ARMC8: variants seen among roughly 807,000 people sequenced by gnomAD.
ARMC8 encodes armadillo repeat-containing protein 8.
Under a neutral mutation model 99.3 loss-of-function variants are expected in ARMC8, and 20 were observed. That is an observed-to-expected ratio of 0.20 (90% CI 0.14 to 0.29). The LOEUF (loss-of-function observed/expected upper bound fraction) is 0.29. ARMC8 is among the 10% of genes least tolerant of loss of function. The probability of loss-of-function intolerance (pLI) is 1.00; values close to 1 mark genes in which losing one functional copy is unlikely to be tolerated. For missense variants in ARMC8, 569 were observed against 809.5 expected, an observed-to-expected ratio of 0.70 and a Z score of 3.60; for synonymous variants, 263 against 278.3, an observed-to-expected ratio of 0.95 and a Z score of 0.55.
At chr3:138,262,910 T>A (rs1340510236) in intron 12 of ARMC8, among the ~76,000 whole-genome samples, 1 of 152,242 alleles carries the variant, frequency 6.6e-6, no homozygotes, top group Non-Finnish European at 1.5e-5. Context: ...CTCAGCTGTG[T>A]GATTACAGGA....
At chr3:138,263,631 C>G in intron 12 of ARMC8, 108 bp from the exon 13 acceptor site, 2 of 1,056,528 alleles carry the variant, frequency 1.9e-6, no homozygotes, top group Non-Finnish European at 2.9e-6. Flanking sequence ...AAACTCTTGC[C>G]AAAAACAACG....
At chr3:138,244,960 T>C (rs2046814231) in intron 11 of ARMC8, 128 bp from the exon 12 acceptor site, 1 of 1,113,986 alleles carries the variant, frequency 9.0e-7, no homozygotes. Flanking sequence ...AACTGGGAAA[T>C]GTAGTTAATG....
chr3:138,196,808 A>G (rs572301121), intron 1 of ARMC8, among the ~76,000 whole-genome samples: 3 of 152,324 alleles, frequency 2.0e-5, no homozygotes, highest in East Asian at 1.9e-4. Context: ...CAGAGGTTGC[A>G]GTGAGCTGAG....
intron 2 of ARMC8, among the ~76,000 whole-genome samples, chr3:138,210,665 G>A (rs1028812424): frequency 3.3e-5 from 5 of 151,910 alleles, no homozygotes; most frequent in Non-Finnish European, 7.4e-5. Flanking sequence ...TAATGATGAG[G>A]GCGCCCATGA....
intron 11 of ARMC8, 70 bp downstream of exon 11, chr3:138,242,053 T>G (rs1476793103): frequency 2.3e-6 from 3 of 1,279,508 alleles, no homozygotes; most frequent in Non-Finnish European, 3.4e-6. Context: ...TTCACAGTTT[T>G]GAACCAATTG....
chr3:138,293,450 G>C (rs1577073080), intron 21 of ARMC8, among the ~76,000 whole-genome samples: 1 of 151,892 alleles, frequency 6.6e-6, no homozygotes. Context: ...GAGGCAGGAG[G>C]ATCACTTGAA....
intron 1 of ARMC8, among the ~76,000 whole-genome samples, chr3:138,206,583 C>A (rs1202521970): frequency 6.6e-6 from 1 of 152,210 alleles, no homozygotes; most frequent in Non-Finnish European, 1.5e-5. Flanking sequence ...TAGGACTTCG[C>A]TCAAATGTCA....
chr3:138,240,352 T>G lies in ARMC8; in HGVS notation c.837+824T>G, dbSNP rs73867048. 7.7e-3 allele frequency among the ~76,000 whole-genome samples: 1,167 copies of G among 152,296 alleles called. 16 individuals are homozygous for G. Among genetic ancestry groups the G allele is most frequent in the African/African-American group, 0.027 (1,113 of 41,558 alleles). On this transcript the variant is annotated intron_variant, in intron 10 of 21. Coordinates refer to ENST00000469044, the MANE Select transcript of ARMC8 (RefSeq NM_001363941.2). ...GAAGACTAATATTTGCTTTAGTCTT[T>G]GGGGAAGAGAATTAATTTAATGAGA...
In ARMC8 at chr3:138,254,792, T is replaced by C. The variant is rs76185888; in HGVS notation, c.1135-8947T>C. Among the ~76,000 whole-genome samples, 1,103 of 152,358 alleles carry C rather than the reference T, an allele frequency of 7.2e-3. 13 individuals carry two copies. Among genetic ancestry groups the C allele is most frequent in the African/African-American group, 0.025 (1,032 of 41,578 alleles). On this transcript the variant is annotated intron_variant, in intron 12 of 21. Coordinates refer to ENST00000469044, the MANE Select transcript of ARMC8 (RefSeq NM_001363941.2). ...CTTTTCCACAAAGTGTAGAGAAGTT[T>C]AGAACTTTCTTCTAATGTTTCTTCT...
chr3:138,263,796 G>A lies in ARMC8; in HGVS notation c.1192G>A (p.Val398Ile). 1.2e-6 allele frequency: 2 copies of A among 1,613,998 alleles called. No individual in the cohort carries two copies. Among genetic ancestry groups the A allele is most frequent in the Non-Finnish European group, 1.7e-6 (2 of 1,179,868 alleles). The stretch of plus-strand genomic sequence containing the variant: ...TGTGACTGGCTTGTCTGAGTCTAGT[G>A]TCAAGGTGCGGTTAGCTGCCGTCAG... ...RIVTGLSESS[V>I]KVRLAAVRCL... Residue 398 changes from valine to isoleucine, a missense_variant, in exon 13 of 22, where the codon GTC (valine) becomes ATC (isoleucine). Around this residue, in one of 2 missense-constraint regions of ARMC8, gnomAD observed 227 missense variants for 417.9 expected, o/e 0.54. Transcript: ENST00000469044.
intron 12 of ARMC8, among the ~76,000 whole-genome samples, chr3:138,259,166 G>A (rs1368649796): frequency 6.6e-6 from 1 of 152,152 alleles, no homozygotes; most frequent in Admixed American, 6.5e-5. Flanking sequence ...AAGGCACCAC[G>A]GAGGACATGT....
chr3:138,215,309 C>T (rs182573426), intron 2 of ARMC8, among the ~76,000 whole-genome samples: 4 of 151,980 alleles, frequency 2.6e-5, no homozygotes, highest in East Asian at 3.9e-4. Context: ...CTCTGCCTCC[C>T]GGGTTCAAGT....
intron 14 of ARMC8, among the ~76,000 whole-genome samples, chr3:138,266,308 A>G (rs2048281138): frequency 6.6e-6 from 1 of 152,128 alleles, no homozygotes; most frequent in Non-Finnish European, 1.5e-5. Flanking sequence ...CTACAGTATC[A>G]GTGCCTTTCT....
At chr3:138,262,244 G>A in intron 12 of ARMC8, 1 of 268,620 alleles carries the variant, frequency 3.7e-6, no homozygotes, top group East Asian at 7.1e-5. Context: ...AGGAATTTAG[G>A]GGCTAGAGGT....
chr3:138,264,085 A>G, intron 13 of ARMC8, 46 bp from the exon 14 acceptor site: 1 of 1,551,404 alleles, frequency 6.4e-7, no homozygotes, highest in Non-Finnish European at 8.9e-7. Flanking sequence ...TTTGAAAAGT[A>G]AAAGTTTTGA....
chr3:138,257,989 T>C (rs1036817987), intron 12 of ARMC8, among the ~76,000 whole-genome samples: 2 of 152,230 alleles, frequency 1.3e-5, no homozygotes, highest in Non-Finnish European at 2.9e-5. Flanking sequence ...TCCAGGTCCT[T>C]ATTCTTTCTG....
chr3:138,226,090 T>A (rs191065230), intron 5 of ARMC8, among the ~76,000 whole-genome samples: 1 of 152,326 alleles, frequency 6.6e-6, no homozygotes, highest in Admixed American at 6.5e-5. Context: ...CCTCCCAGGT[T>A]TAAGCAATTC....
chr3:138,270,886 T>C (rs548273888), intron 16 of ARMC8, among the ~76,000 whole-genome samples: 1 of 152,214 alleles, frequency 6.6e-6, no homozygotes, highest in African/African-American at 2.4e-5. Flanking sequence ...AAAACATATT[T>C]ATACTATTTA....
At chr3:138,192,956 A>G (rs2043476335) in intron 1 of ARMC8, among the ~76,000 whole-genome samples, 1 of 151,810 alleles carries the variant, frequency 6.6e-6, no homozygotes, top group Admixed American at 6.6e-5. Flanking sequence ...AAAGCTCTTT[A>G]TAGGTTTTAT....
Sources: allele counts gnomAD v4.1 joint callset (sites outside exome capture counted in the v4.1 genomes callset), GRCh38; gene constraint gnomAD v4.1.1; regional missense constraint gnomAD v4.1.1; transcripts MANE v1.5; gene names NCBI Gene and HGNC (gene_info 2026-07-23, HGNC 2026-07-21).